CDH13: variants seen among roughly 807,000 people sequenced by gnomAD.
CDH13 encodes cadherin 13.
CDH13 carries 24 observed loss-of-function variants against 63.8 expected under a neutral mutation model. The observed-to-expected ratio is 0.38, with a 90% CI of 0.27 to 0.53. CDH13 has a LOEUF of 0.53. Among genes scored for constraint, CDH13 ranks in the 20% least tolerant of loss-of-function variants. CDH13 has a pLI of 0.85. For missense variants in CDH13, 1,049 were observed against 903.1 expected, an observed-to-expected ratio of 1.16 and a Z score of -2.07; for synonymous variants, 503 against 355.3, an observed-to-expected ratio of 1.42 and a Z score of -4.67.
At chr16:83,374,077 C>G (rs1182250320) in intron 6 of CDH13, among the ~76,000 whole-genome samples, 2 of 152,196 alleles carry the variant, frequency 1.3e-5, no homozygotes, top group Non-Finnish European at 2.9e-5. Flanking sequence ...AAGGGTCACA[C>G]TAATGATGCT....
intron 4 of CDH13, among the ~76,000 whole-genome samples, chr16:83,127,498 G>A (rs1350301831): frequency 2.0e-5 from 3 of 152,196 alleles, no homozygotes; most frequent in Non-Finnish European, 2.9e-5. Flanking sequence ...GGGACGCTGA[G>A]GCGGGAGGAT....
At chr16:83,155,001 T>C (rs1023352077) in intron 4 of CDH13, among the ~76,000 whole-genome samples, 2 of 152,260 alleles carry the variant, frequency 1.3e-5, no homozygotes, top group Non-Finnish European at 2.9e-5. Flanking sequence ...CTAGGTCAAT[T>C]ATTTCATTAT....
At chr16:82,770,815 C>T (rs900653057) in intron 1 of CDH13, among the ~76,000 whole-genome samples, 3 of 152,126 alleles carry the variant, frequency 2.0e-5, no homozygotes, top group Non-Finnish European at 2.9e-5. Context: ...TCAAGCAATT[C>T]GCCTGCCTCA....
intron 8 of CDH13, among the ~76,000 whole-genome samples, chr16:83,604,038 C>T (rs1411029174): frequency 2.6e-5 from 4 of 152,058 alleles, no homozygotes; most frequent in Non-Finnish European, 2.9e-5. Flanking sequence ...AAAGCACTCC[C>T]GTGATCCAGT....
At chr16:82,720,998 G>A (rs890099860) in intron 1 of CDH13, among the ~76,000 whole-genome samples, 3 of 152,162 alleles carry the variant, frequency 2.0e-5, no homozygotes, top group African/African-American at 4.8e-5. Flanking sequence ...ACATGATTAT[G>A]GGATGAAGCC....
intron 6 of CDH13, among the ~76,000 whole-genome samples, chr16:83,450,190 A>G (rs749102472): frequency 1.3e-5 from 2 of 152,214 alleles, no homozygotes; most frequent in Non-Finnish European, 2.9e-5. Flanking sequence ...TAGCTCCTGC[A>G]GGGAGGTTGC....
intron 5 of CDH13, among the ~76,000 whole-genome samples, chr16:83,343,655 A>G (rs1363304557): frequency 6.6e-6 from 1 of 152,210 alleles, no homozygotes; most frequent in Non-Finnish European, 1.5e-5. Flanking sequence ...TTTTTTGACA[A>G]TAGTATTGAT....
intron 4 of CDH13, among the ~76,000 whole-genome samples, chr16:83,153,790 T>C (rs2037089697): frequency 6.6e-6 from 1 of 152,172 alleles, no homozygotes; most frequent in South Asian, 2.1e-4. Context: ...ACAGGAAATG[T>C]CTGTTTAAGC....
chr16:83,565,159 C>G (rs964499429), intron 7 of CDH13, among the ~76,000 whole-genome samples: 5 of 152,156 alleles, frequency 3.3e-5, no homozygotes, highest in African/African-American at 1.2e-4. Context: ...TGATCCTTTT[C>G]AGACTCTTGT....
At position 83,773,472 on chromosome 16, in the gene CDH13, G is replaced by T. The variant is rs894739827; in HGVS notation, c.1682-6496G>T. 9.8e-5 allele frequency among the ~76,000 whole-genome samples: 15 copies of T among 152,294 alleles called. No individual in the cohort carries two copies. The South Asian group carries it at 2.9e-3, about 29-fold the overall frequency. On this transcript the variant is annotated intron_variant, in intron 11 of 13. Coordinates refer to ENST00000567109, the MANE Select transcript of CDH13 (RefSeq NM_001257.5). The stretch of plus-strand genomic sequence containing the variant: ...TCACATGGTGTCAGGAGAGAGAAGT[G>T]CTAGCAGGTTAAATGCCAGACACTT...
chr16:83,190,914 G>A (rs939581899), intron 4 of CDH13, among the ~76,000 whole-genome samples: 1 of 151,820 alleles, frequency 6.6e-6, no homozygotes, highest in African/African-American at 2.4e-5. Flanking sequence ...TAATTACTAA[G>A]CTGGCCAAAA....
At position 83,260,282 on chromosome 16, in the gene CDH13, C is replaced by T. The variant is rs931555898; in HGVS notation, c.636+42785C>T. The stretch of plus-strand genomic sequence containing the variant: ...ATGATCTAAAAATGAATTGTGAAAC[C>T]TGGTTTAAAAAATGCTGATGCAAGA... On this transcript the variant is annotated intron_variant, in intron 5 of 13. Transcript: ENST00000567109. Among the ~76,000 whole-genome samples the T allele has an allele frequency of 1.2e-4, 19 of 152,078 alleles. No individual in the cohort carries two copies. The East Asian group carries it at 3.5e-3, about 28-fold the overall frequency.
At chr16:83,243,424 T>C (rs1904672991) in intron 5 of CDH13, among the ~76,000 whole-genome samples, 1 of 152,132 alleles carries the variant, frequency 6.6e-6, no homozygotes, top group Non-Finnish European at 1.5e-5. Context: ...TTATTAACTA[T>C]CATGAGAACA....
intron 1 of CDH13, among the ~76,000 whole-genome samples, chr16:82,736,606 A>C (rs1156605654): frequency 6.6e-6 from 1 of 152,172 alleles, no homozygotes; most frequent in Non-Finnish European, 1.5e-5. Context: ...TCATTTTGTG[A>C]TGGTATTTTT....
At chr16:83,113,790 C>A (rs2035175514) in intron 3 of CDH13, among the ~76,000 whole-genome samples, 1 of 152,172 alleles carries the variant, frequency 6.6e-6, no homozygotes, top group African/African-American at 2.4e-5. Flanking sequence ...AGACAAGCAC[C>A]TGCAATTGGA....
intron 6 of CDH13, among the ~76,000 whole-genome samples, chr16:83,460,214 C>A (rs560388253): frequency 2.0e-5 from 3 of 152,328 alleles, no homozygotes; most frequent in African/African-American, 7.2e-5. Context: ...TTTATGTCTT[C>A]CTGATTGGTA....
At chr16:83,767,072 G>A (rs1914439625) in intron 11 of CDH13, among the ~76,000 whole-genome samples, 2 of 152,108 alleles carry the variant, frequency 1.3e-5, no homozygotes, top group Non-Finnish European at 2.9e-5. Flanking sequence ...CATGAGAATG[G>A]ACTCATATAC....
At chr16:83,700,989 T>C (rs1906134602) in intron 10 of CDH13, among the ~76,000 whole-genome samples, 1 of 152,174 alleles carries the variant, frequency 6.6e-6, no homozygotes, top group Non-Finnish European at 1.5e-5. Context: ...TAAAACAACA[T>C]TCTTCCCCAC....
intron 6 of CDH13, among the ~76,000 whole-genome samples, chr16:83,422,496 A>G (rs370932704): frequency 6.6e-6 from 1 of 152,252 alleles, no homozygotes; most frequent in Non-Finnish European, 1.5e-5. Context: ...GCTTATAATT[A>G]GAGACAGAAA....
Sources: gnomAD v4.1 joint callset for allele counts (sites outside exome capture counted in the v4.1 genomes callset) on GRCh38, gnomAD v4.1.1 for gene constraint, MANE v1.5 for transcripts, NCBI Gene and HGNC (gene_info 2026-07-23, HGNC 2026-07-21) for gene names.